Variants in SV2C observed in about 807,000 individuals in gnomAD.
SV2C encodes synaptic vesicle glycoprotein 2C, also known as solute carrier family 22 member B3.
A neutral mutation model predicts 79.7 loss-of-function variants in SV2C; 49 were observed. That is an observed-to-expected ratio of 0.61 (90% CI 0.49 to 0.78). SV2C has a LOEUF of 0.78. Ranked by LOEUF, SV2C falls within the 30% of genes least tolerant of loss-of-function variation. The probability of loss-of-function intolerance (pLI) is 0.00; values close to 1 mark genes in which losing one functional copy is unlikely to be tolerated. For synonymous variants in SV2C, 334 were observed against 333.2 expected, an observed-to-expected ratio of 1.00 and a Z score of -0.03; for missense variants, 833 against 912.9, an observed-to-expected ratio of 0.91 and a Z score of 1.13.
At chr5:76,030,273 T>G in the SV2C span, among the ~76,000 whole-genome samples, 2 of 103,008 alleles carry the variant, frequency 1.9e-5, no homozygotes, top group African/African-American at 1.1e-4. Context: ...CTTGTTTTTT[T>G]TTTTTTTTTT....
At chr5:76,137,301 G>A (rs183837469) in intron 2 of SV2C, among the ~76,000 whole-genome samples, 1 of 152,204 alleles carries the variant, frequency 6.6e-6, no homozygotes, top group Non-Finnish European at 1.5e-5. Context: ...ATCCCTAACT[G>A]TATCAGTTAA....
At chr5:76,060,111 A>G in the SV2C span, among the ~76,000 whole-genome samples, 1 of 152,132 alleles carries the variant, frequency 6.6e-6, no homozygotes, top group East Asian at 1.9e-4. Flanking sequence ...AGGCGTTCTT[A>G]TTTCATTTAT....
At chr5:76,264,830 G>T (rs927659861) in intron 4 of SV2C, among the ~76,000 whole-genome samples, 1 of 152,206 alleles carries the variant, frequency 6.6e-6, no homozygotes, top group Non-Finnish European at 1.5e-5. Flanking sequence ...ACGGGCACCA[G>T]CCTGATGCCA....
At chr5:76,146,428 A>T (rs930855841) in intron 2 of SV2C, among the ~76,000 whole-genome samples, 5 of 152,148 alleles carry the variant, frequency 3.3e-5, no homozygotes, top group African/African-American at 9.7e-5. Flanking sequence ...CCCTTTCTAG[A>T]CCATATAGGG....
Position 76,242,479 on chromosome 5 carries a change from C to T in SV2C, c.913+32592C>T, listed in dbSNP as rs188053192. 1,327 of 511,418 alleles carry T rather than the reference C, an allele frequency of 2.6e-3. 16 individuals are homozygous for T. Among genetic ancestry groups the T allele is most frequent in the African/African-American group, 0.022 (1,135 of 51,514 alleles). The allele number at this position is 511,418 out of a possible 1,614,324, so 31.7% of individuals were successfully genotyped here. On this transcript the variant is annotated intron_variant, in intron 4 of 12. Coordinates refer to ENST00000502798, the MANE Select transcript of SV2C (RefSeq NM_014979.4). The stretch of plus-strand genomic sequence containing the variant: ...CTGTGATTACAGGCATGAACCAATG[C>T]GCCCAGCCCAGTTTGCACTTTTAAT...
the SV2C span, among the ~76,000 whole-genome samples, chr5:75,999,044 A>G: frequency 6.6e-6 from 1 of 152,094 alleles, no homozygotes; most frequent in Non-Finnish European, 1.5e-5. Context: ...CACATCTTAC[A>G]TGGTTAGTGG....
chr5:76,088,426 G>A (rs1046938784), intron 1 of SV2C, among the ~76,000 whole-genome samples: 4 of 152,114 alleles, frequency 2.6e-5, no homozygotes, highest in Admixed American at 1.3e-4. Flanking sequence ...CTGGAGGCTG[G>A]AAATTCCAAG....
chr5:76,073,245 C>A, the SV2C span, among the ~76,000 whole-genome samples: 3 of 152,114 alleles, frequency 2.0e-5, no homozygotes, highest in East Asian at 3.9e-4. Context: ...AGTCTTTGAT[C>A]CATCTTGAGT....
intron 1 of SV2C, among the ~76,000 whole-genome samples, chr5:76,126,780 A>G (rs1311317019): frequency 1.3e-5 from 2 of 152,120 alleles, no homozygotes; most frequent in African/African-American, 2.4e-5. Context: ...CCCTGTTTCC[A>G]TCACAGGCTC....
chr5:76,335,963 G>A (rs1367404920), downstream of SV2C, among the ~76,000 whole-genome samples: 1 of 152,148 alleles, frequency 6.6e-6, no homozygotes, highest in African/African-American at 2.4e-5. Flanking sequence ...GGTGGTGGCT[G>A]GGCAGAGGGG....
At chr5:76,207,175 AAAG>A (rs1744632742) in intron 3 of SV2C, among the ~76,000 whole-genome samples, 2 of 151,840 alleles carry the variant, frequency 1.3e-5, no homozygotes, top group Admixed American at 6.6e-5. Flanking sequence ...CAAAAAAAAA[AAAG>A]AAAGAAAGAA....
intron 4 of SV2C, among the ~76,000 whole-genome samples, chr5:76,244,972 A>G (rs1208193091): frequency 6.6e-6 from 1 of 152,258 alleles, no homozygotes; most frequent in Non-Finnish European, 1.5e-5. Flanking sequence ...GCCTTTGTAC[A>G]CAACCTCTTC....
intron 2 of SV2C, among the ~76,000 whole-genome samples, chr5:76,144,697 GA>G (rs1008229664): frequency 2.6e-4 from 39 of 152,338 alleles, no homozygotes; most frequent in Non-Finnish European, 1.6e-4. Flanking sequence ...ACTGAGGGCA[GA>G]TGCAGAATAT....
intron 6 of SV2C, among the ~76,000 whole-genome samples, 172 bp from the exon 7 acceptor site, chr5:76,291,049 T>G (rs781556730): frequency 1.5e-4 from 23 of 152,236 alleles, no homozygotes; most frequent in Non-Finnish European, 2.8e-4. Context: ...TTCCAGGTGC[T>G]GTTTGGATCC....
chr5:76,209,212 T>C (rs1389768408), intron 3 of SV2C, among the ~76,000 whole-genome samples: 1 of 152,220 alleles, frequency 6.6e-6, no homozygotes, highest in African/African-American at 2.4e-5. Context: ...TTTCAACTAA[T>C]GTTTGTCAAC....
At chr5:75,882,888 T>C in the SV2C span, among the ~76,000 whole-genome samples, 1 of 151,576 alleles carries the variant, frequency 6.6e-6, no homozygotes, top group Non-Finnish European at 1.5e-5. Flanking sequence ...GAAACTACCA[T>C]CAGAGTAAAG....
the SV2C span, among the ~76,000 whole-genome samples, chr5:75,891,759 T>C: frequency 6.6e-6 from 1 of 152,120 alleles, no homozygotes; most frequent in Admixed American, 6.6e-5. Flanking sequence ...TGTAAATGTG[T>C]TTGTGACTTG....
At chr5:75,982,843 C>A in the SV2C span, among the ~76,000 whole-genome samples, 1 of 152,152 alleles carries the variant, frequency 6.6e-6, no homozygotes, top group African/African-American at 2.4e-5. Context: ...GACCACTATC[C>A]TTAGCAAACT....
the SV2C span, among the ~76,000 whole-genome samples, chr5:76,059,920 T>C: frequency 3.3e-5 from 5 of 152,126 alleles, no homozygotes; most frequent in African/African-American, 1.2e-4. Context: ...ATGGATGTTG[T>C]GTGCAGGCAA....
Sources: allele counts gnomAD v4.1 joint callset (sites outside exome capture counted in the v4.1 genomes callset), GRCh38; gene constraint gnomAD v4.1.1; transcripts MANE v1.5; gene names NCBI Gene and HGNC (gene_info 2026-07-23, HGNC 2026-07-21).